The following MDGA1 variants were observed in gnomAD, a reference collection of about 807,000 sequenced individuals.
MDGA1 encodes the protein MAM domain containing glycosylphosphatidylinositol anchor 1.
Under a neutral mutation model 101.5 loss-of-function variants are expected in MDGA1, and 54 were observed. The ratio of observed to expected loss-of-function variants is 0.53; its 90% confidence interval spans 0.43 to 0.67. MDGA1 has a LOEUF of 0.67. Ranked by LOEUF, MDGA1 falls within the 30% of genes least tolerant of loss-of-function variation. MDGA1 has a pLI of 0.00. For missense variants in MDGA1, 1,083 were observed against 1,323.8 expected (o/e 0.82, Z 2.82); for synonymous variants, 533 against 558.3 (o/e 0.95, Z 0.64).
chr6:37,636,810 GGAC>G lies in MDGA1; in HGVS notation c.*555_*557del, dbSNP rs1763938879. The G allele has an allele frequency of 6.5e-6, 1 of 152,858 alleles. No individual in the cohort carries two copies. The highest frequency in any genetic ancestry group is 6.5e-5 in the Admixed American group (1 of 15,282). 9.5% of individuals were successfully genotyped at this position (152,858 alleles called of 1,614,324 possible). ...CTACCTTCCTTGTCTCCTGGACGTG[GGAC>G]AGTCACAGAGCTCGCAAAGTCCCAC... On this transcript the variant is annotated 3_prime_UTR_variant, in exon 17 of 17. Transcript: ENST00000434837.
intron 1 of MDGA1, among the ~76,000 whole-genome samples, chr6:37,689,799 G>A (rs1185853306): frequency 2.0e-5 from 3 of 152,132 alleles, no homozygotes; most frequent in South Asian, 2.1e-4. Context: ...AACTCTTTCC[G>A]ATACACTTTT....
chr6:37,678,798 C>T (rs559045674), intron 1 of MDGA1, among the ~76,000 whole-genome samples: 38 of 151,940 alleles, frequency 2.5e-4, no homozygotes, highest in African/African-American at 8.2e-4. Flanking sequence ...ACAGCCCGCC[C>T]GCCCCCACCT....
At chr6:37,693,319 A>G (rs1179694334) in intron 1 of MDGA1, among the ~76,000 whole-genome samples, 1 of 152,188 alleles carries the variant, frequency 6.6e-6, no homozygotes, top group African/African-American at 2.4e-5. Flanking sequence ...TGCTCCCCAG[A>G]GGAGGGAAAA....
chr6:37,681,721 T>C (rs1458363605), intron 1 of MDGA1, among the ~76,000 whole-genome samples: 1 of 150,638 alleles, frequency 6.6e-6, no homozygotes, highest in Non-Finnish European at 1.5e-5. Flanking sequence ...GTGAGAGCAG[T>C]TTATCTCATA....
At position 37,646,179 on chromosome 6, in the gene MDGA1, C is replaced by T. The variant is rs778376301; in HGVS notation, c.2224+19G>A. ...CATGAGATGGGCCCATCCTTCCTAC[C>T]GCCACCACTGTCACCTACGCTCTGT... On this transcript the variant is annotated intron_variant, in intron 11 of 16. Coordinates refer to ENST00000434837, the MANE Select transcript of MDGA1 (RefSeq NM_153487.4). The T allele has an allele frequency of 5.8e-6, 9 of 1,562,754 alleles. No homozygotes were observed. Among genetic ancestry groups the T allele is most frequent in the Middle Eastern group, 1.7e-4 (1 of 5,828 alleles).
intron 9 of MDGA1, among the ~76,000 whole-genome samples, chr6:37,647,779 G>A (rs914757245): frequency 6.6e-6 from 1 of 152,072 alleles, no homozygotes; most frequent in African/African-American, 2.4e-5. Context: ...AGGGGAGAAG[G>A]GAAGGAGGTG....
intron 1 of MDGA1, among the ~76,000 whole-genome samples, chr6:37,673,874 C>T (rs1761922803): frequency 6.6e-6 from 1 of 152,202 alleles, no homozygotes; most frequent in Admixed American, 6.5e-5. Flanking sequence ...CAGTTCTGGT[C>T]ATTCTCTCTC....
chr6:37,654,923 T>C lies in MDGA1; in HGVS notation c.589A>G (p.Lys197Glu). 6.2e-7 allele frequency: 1 copy of C among 1,613,380 alleles called. No homozygotes were observed. Among genetic ancestry groups the C allele is most frequent in the Non-Finnish European group, 8.5e-7 (1 of 1,179,810 alleles). ...YEPLYTQGET[K>E]VLKLKNLRPQ... ...CGCAGGTTCTTCAGCTTCAGGACCT[T>C]GGTCTCCCCCTGGGCAGCAGTGGAC... Residue 197 changes from lysine to glutamate, a missense_variant, in exon 5 of 17, where the codon AAG (lysine) becomes GAG (glutamate). Physicochemically the swap from Lys to Glu is moderately conservative, Grantham distance 56. Transcript: ENST00000434837.
chr6:37,688,042 T>C (rs1762234298), intron 1 of MDGA1, among the ~76,000 whole-genome samples: 2 of 152,140 alleles, frequency 1.3e-5, no homozygotes, highest in African/African-American at 4.8e-5. Context: ...GTTTAGAAAA[T>C]AATCAGTGGA....
At chr6:37,658,441 A>AGTCAGAGT (rs1761545370) in intron 2 of MDGA1, 22 bp from the exon 3 acceptor site, 2 of 1,590,612 alleles carry the variant, frequency 1.3e-6, no homozygotes, top group African/African-American at 2.7e-5. Flanking sequence ...GGCGGGGCAG[A>AGTCAGAGT]GTCAGACTGT....
intron 1 of MDGA1, among the ~76,000 whole-genome samples, chr6:37,676,087 T>C (rs986543594): frequency 2.0e-5 from 3 of 152,180 alleles, no homozygotes; most frequent in African/African-American, 7.2e-5. Context: ...GCCTAGTAGA[T>C]ACGCTAGAAG....
Position 37,638,719 on chromosome 6 carries a change from A to G in MDGA1, c.2537-52T>C, listed in dbSNP as rs1043214532. 13 of 1,563,708 alleles carry G rather than the reference A, an allele frequency of 8.3e-6. No homozygotes were observed. The African/African-American group carries it at 9.5e-5, about 11-fold the overall frequency. On this transcript the variant is annotated intron_variant, in intron 14 of 16. Coordinates refer to ENST00000434837, the MANE Select transcript of MDGA1 (RefSeq NM_153487.4). The surrounding 1 kb of genome is among the most constrained non-coding windows in gnomAD (Gnocchi z 4.8). ...AGTGAGATCTGGCCAGGGCACCCTCACCTTTCCACATTTACCAAGCCCTCT... is the reference window on the plus strand; with the variant it reads ...AGTGAGATCTGGCCAGGGCACCCTCGCCTTTCCACATTTACCAAGCCCTCT...
chr6:37,682,209 G>A (rs866929677), intron 1 of MDGA1, among the ~76,000 whole-genome samples: 1 of 152,356 alleles, frequency 6.6e-6, no homozygotes, highest in South Asian at 2.1e-4. Context: ...GGTAGGCTGG[G>A]CGCAGTGGCT....
At chr6:37,689,520 G>A (rs1187202288) in intron 1 of MDGA1, among the ~76,000 whole-genome samples, 2 of 152,214 alleles carry the variant, frequency 1.3e-5, no homozygotes, top group African/African-American at 4.8e-5. Context: ...CTCATCACAA[G>A]CCCACGCAGT....
chr6:37,685,715 C>CG (rs566082214), intron 1 of MDGA1, among the ~76,000 whole-genome samples: 150 of 152,224 alleles, frequency 9.9e-4, no homozygotes, highest in African/African-American at 3.5e-3. Context: ...CCGACAGTGT[C>CG]GGGGGGCGCT....
intron 2 of MDGA1, among the ~76,000 whole-genome samples, 180 bp downstream of exon 2, chr6:37,663,764 TTTTCAGGTGAATGAGCCCATAGC>T (rs1761679064): frequency 6.6e-6 from 1 of 152,216 alleles, no homozygotes. Context: ...GCCGTCCATG[TTTTCAGGTGAATGAGCCCATAGC>T]CTCCAGCCCT....
chr6:37,681,524 C>T lies in MDGA1; in HGVS notation c.67+15221G>A, dbSNP rs564133428. On this transcript the variant is annotated intron_variant, in intron 1 of 16. Transcript: ENST00000434837. ...AAGCCCCTAAAGAGGTCTGTAGGAC[C>T]CCCTACCACACATATACATAGTTCC... 7.4e-4 allele frequency among the ~76,000 whole-genome samples: 112 copies of T among 152,190 alleles called. 3 individuals carry two copies. The highest frequency in any genetic ancestry group is 1.2e-4 in the Non-Finnish European group (8 of 68,032).
intron 1 of MDGA1, among the ~76,000 whole-genome samples, chr6:37,666,191 CAAAAAA>C (rs146449734): frequency 8.2e-6 from 1 of 122,258 alleles, no homozygotes; most frequent in African/African-American, 2.9e-5. Context: ...ACTAAAAATA[CAAAAAA>C]AAAAAAAAAA....
chr6:37,658,905 G>A lies in MDGA1; in HGVS notation c.208-486C>T, dbSNP rs546782920. ...AGAATAGCTTGAACCCGGGAGGCGG[G>A]GGTTGCAGTGAGCCGAGATCAGGTC... On this transcript the variant is annotated intron_variant, in intron 2 of 16. Transcript: ENST00000434837. 6.0e-5 allele frequency among the ~76,000 whole-genome samples: 9 copies of A among 151,214 alleles called. No homozygotes were observed. The East Asian group carries it at 1.4e-3, about 23-fold the overall frequency.
Sources: allele counts gnomAD v4.1 joint callset (sites outside exome capture counted in the v4.1 genomes callset), GRCh38; gene constraint gnomAD v4.1.1; non-coding constraint Gnocchi (gnomAD v3.1); transcripts MANE v1.5; gene names NCBI Gene and HGNC (gene_info 2026-07-23, HGNC 2026-07-21).